YIF1B: variants seen among roughly 807,000 people sequenced by gnomAD.
The protein encoded by YIF1B is Yip1 interacting factor homolog B, membrane trafficking protein.
In YIF1B, 24 loss-of-function variants were observed where a neutral mutation model predicts 34.6. That is an observed-to-expected ratio of 0.69 (90% CI 0.50 to 0.98). The LOEUF is 0.98. Among genes scored for constraint, YIF1B ranks in the 50% least tolerant of loss-of-function variants. YIF1B has a pLI of 0.00. For missense variants in YIF1B, 368 were observed against 429.4 expected, an observed-to-expected ratio of 0.86 and a Z score of 1.26; for synonymous variants, 186 against 184.8, an observed-to-expected ratio of 1.01 and a Z score of -0.05.
upstream of YIF1B, chr19:38,316,053 AG>A (rs1416001851): frequency 1.7e-6 from 2 of 1,143,284 alleles, no homozygotes; most frequent in Non-Finnish European, 1.1e-6. Context: ...CGACCCCTCC[AG>A]CCCCCCCCTT....
chr19:38,307,282 C>T, intron 7 of YIF1B, 146 bp downstream of exon 7: 1 of 834,788 alleles, frequency 1.2e-6, no homozygotes, highest in Non-Finnish European at 1.9e-6. Flanking sequence ...CCCTCCTGAC[C>T]CCCCAGGCCG....
chr19:38,311,298 A>C (rs1036994947), intron 1 of YIF1B, among the ~76,000 whole-genome samples: 4 of 151,910 alleles, frequency 2.6e-5, no homozygotes, highest in African/African-American at 9.7e-5. Context: ...AAAAAAAAAA[A>C]CAAAAAACAA....
chr19:38,315,425 G>A (rs1277927703), intron 1 of YIF1B: 26 of 1,285,662 alleles, frequency 2.0e-5, no homozygotes, highest in Non-Finnish European at 2.5e-5. Context: ...GCACACTCAC[G>A]GAGATGAAGA....
At chr19:38,321,301 C>G (rs1261158857), upstream of YIF1B, among the ~76,000 whole-genome samples, 1 of 152,194 alleles carries the variant, frequency 6.6e-6, no homozygotes, top group African/African-American at 2.4e-5. Flanking sequence ...TGGCCCCATA[C>G]TCCCCAGCAG....
At chr19:38,306,591 G>A (rs1969049860) in intron 7 of YIF1B, 1 of 189,560 alleles carries the variant, frequency 5.3e-6, no homozygotes, top group Non-Finnish European at 1.1e-5. Context: ...TCTGCCCTCT[G>A]CTTCTCACAT....
intron 7 of YIF1B, chr19:38,307,070 T>C (rs1969082557): frequency 2.0e-6 from 1 of 494,860 alleles, no homozygotes; most frequent in African/African-American, 2.0e-5. Context: ...CCCAGTGCTC[T>C]TCACCAGCAC....
Position 38,308,798 on chromosome 19 carries a change from T to G in YIF1B, c.533A>C (p.Gln178Pro). Residue 178 changes from glutamine to proline, a missense_variant, in exon 5 of 8, where the codon CAG (glutamine) becomes CCG (proline). Gln to Pro is a moderately conservative substitution (Grantham distance 76). Around this residue, in one of 3 missense-constraint regions of YIF1B, gnomAD observed 208 missense variants for 247.8 expected, o/e 0.84. Transcript: ENST00000339413. Reference sequence around the variant, plus strand: ...TGCCCCAGGCCTCCCTTACCTATCCTGGGTCCCCAGCGCAAGACCAGCCAC... The same window carrying G: ...TGCCCCAGGCCTCCCTTACCTATCCGGGGTCCCCAGCGCAAGACCAGCCAC... ...VLVAGLALGT[Q>P]DRFSPDLLGL... 1 of 1,613,880 alleles carries G rather than the reference T, an allele frequency of 6.2e-7. No individual in the cohort carries two copies. Among genetic ancestry groups the G allele is most frequent in the Non-Finnish European group, 8.5e-7 (1 of 1,179,898 alleles).
intron 7 of YIF1B, among the ~76,000 whole-genome samples, chr19:38,306,439 G>C (rs766164736): frequency 2.0e-5 from 3 of 151,932 alleles, no homozygotes; most frequent in Admixed American, 6.6e-5. Flanking sequence ...TCAAGCTCCT[G>C]GCCTCCAGTG....
At chr19:38,315,765 T>C (rs780118028) in intron 1 of YIF1B, 95 bp downstream of exon 1, 8 of 1,602,268 alleles carry the variant, frequency 5.0e-6, no homozygotes, top group East Asian at 2.3e-5. Flanking sequence ...TCCAGATCCT[T>C]GATCTCGTGA....
At position 38,309,029 on chromosome 19, in the gene YIF1B, G is replaced by A. The variant is rs781145990; in HGVS notation, c.431C>T (p.Thr144Ile). 4.5e-6 allele frequency: 7 copies of A among 1,560,468 alleles called. No homozygotes were observed. The highest frequency in any genetic ancestry group is 6.1e-6 in the Non-Finnish European group (7 of 1,151,628). The stretch of plus-strand genomic sequence containing the variant: ...GACGTCAAAGCGGGGGGCCACCGGG[G>A]TGTCCTGTTGGTACTGCACTTCCCA... ...QDWEVQYQQD[T>I]PVAPRFDVNA... The change falls in exon 4 of 8, where the codon ACC (threonine) becomes ATC (isoleucine). Residue 144 changes from threonine to isoleucine, a missense_variant. By Grantham distance (89) the Thr-to-Ile change is moderately conservative. Around this residue, in one of 3 missense-constraint regions of YIF1B, gnomAD observed 208 missense variants for 247.8 expected, o/e 0.84. Coordinates refer to ENST00000339413, the MANE Select transcript of YIF1B (RefSeq NM_001039672.3).
chr19:38,320,098 C>T (rs1483776992), upstream of YIF1B: 1 of 1,557,412 alleles, frequency 6.4e-7, no homozygotes, highest in East Asian at 2.4e-5. Context: ...GCTGCTTCAG[C>T]GCAGCCCGTG....
At chr19:38,305,871 G>A (rs1568352413) in intron 7 of YIF1B, among the ~76,000 whole-genome samples, 1 of 152,186 alleles carries the variant, frequency 6.6e-6, no homozygotes, top group East Asian at 1.9e-4. Flanking sequence ...GGCAATTTCT[G>A]AAGACACGCC....
intron 3 of YIF1B, 80 bp downstream of exon 3, chr19:38,309,144 C>T (rs1969198530): frequency 1.8e-5 from 28 of 1,575,298 alleles, no homozygotes; most frequent in South Asian, 4.7e-5. Context: ...GCGAATCTCC[C>T]GGCTCCACCA....
chr19:38,315,610 C>A, intron 1 of YIF1B: 1 of 1,528,926 alleles, frequency 6.5e-7, no homozygotes, highest in South Asian at 1.2e-5. Context: ...TCGCTAACTG[C>A]AAATGAATGA....
At chr19:38,311,649 T>G (rs910128772) in intron 1 of YIF1B, among the ~76,000 whole-genome samples, 1 of 151,530 alleles carries the variant, frequency 6.6e-6, no homozygotes, top group Non-Finnish European at 1.5e-5. Context: ...AGATGAGGGG[T>G]GGGCAGGGAA....
upstream of YIF1B, chr19:38,319,810 C>G: frequency 1.2e-6 from 1 of 865,152 alleles, no homozygotes; most frequent in Non-Finnish European, 1.6e-6. Flanking sequence ...CGCCCCCCAC[C>G]TCCCCTTTTT....
chr19:38,309,013 G>T lies in YIF1B; in HGVS notation c.447C>A (p.Arg149=). 6.4e-7 allele frequency: 1 copy of T among 1,574,084 alleles called. No homozygotes were observed. The highest frequency in any genetic ancestry group is 2.3e-5 in the East Asian group (1 of 43,554). ...AGAGGTCCGGGGCATTGACGTCAAA[G>T]CGGGGGGCCACCGGGGTGTCCTGTT... is the stretch of plus-strand genomic sequence containing the variant. ...QYQQDTPVAP[R]FDVNAPDLYI... The change falls in exon 4 of 8, where the codon CGC becomes CGA. Residue 149 remains arginine, a synonymous_variant. Coordinates refer to ENST00000339413, the MANE Select transcript of YIF1B (RefSeq NM_001039672.3).
rs1358911291 is a variant in YIF1B, at chr19:38,309,329, C to T, written c.298-1G>A. 1 of 1,613,890 alleles carries T rather than the reference C, an allele frequency of 6.2e-7. No individual in the cohort carries two copies. Among genetic ancestry groups the T allele is most frequent in the Non-Finnish European group, 8.5e-7 (1 of 1,179,932 alleles). On this transcript the variant is annotated splice_acceptor_variant, in intron 2 of 7. Transcript: ENST00000339413. LOFTEE classifies it high-confidence loss of function. ...TGGTGATGGGGATGAAGCGGTCGAT[C>T]TGGGGAGGCAGAGCTCAAGTCTGAA... is the stretch of plus-strand genomic sequence containing the variant.
At chr19:38,318,013 C>T (rs1969601973), upstream of YIF1B, among the ~76,000 whole-genome samples, 1 of 150,918 alleles carries the variant, frequency 6.6e-6, no homozygotes, top group Non-Finnish European at 1.5e-5. Flanking sequence ...GCCAACATGG[C>T]GAAACCCTGT....
Sources: allele counts gnomAD v4.1 joint callset (sites outside exome capture counted in the v4.1 genomes callset), GRCh38; gene constraint gnomAD v4.1.1; regional missense constraint gnomAD v4.1.1; transcripts MANE v1.5; gene names NCBI Gene and HGNC (gene_info 2026-07-23, HGNC 2026-07-21).